The following RUVBL1 variants were observed in gnomAD, a reference collection of about 807,000 sequenced individuals.
The protein encoded by RUVBL1 is ruvB-like 1.
RUVBL1 carries 4 observed loss-of-function variants against 52.4 expected under a neutral mutation model. That is an observed-to-expected ratio of 0.08 (90% CI 0.04 to 0.17). The LOEUF (loss-of-function observed/expected upper bound fraction) is 0.17, where lower values mean the gene tolerates loss of function less well. Ranked by LOEUF, RUVBL1 falls within the 10% of genes least tolerant of loss-of-function variation. RUVBL1 has a pLI of 1.00. For missense variants in RUVBL1, 298 were observed against 572.8 expected (o/e 0.52, Z 4.90); for synonymous variants, 217 against 214.4 (o/e 1.01, Z -0.10).
At chr3:128,114,434 T>A (rs1943469184) in intron 2 of RUVBL1, among the ~76,000 whole-genome samples, 2 of 152,222 alleles carry the variant, frequency 1.3e-5, no homozygotes, top group South Asian at 4.1e-4. Flanking sequence ...GTGCTGGTTC[T>A]GCCACTAATT....
At chr3:128,134,081 C>A (rs1943916429) in intron 1 of RUVBL1, among the ~76,000 whole-genome samples, 1 of 152,064 alleles carries the variant, frequency 6.6e-6, no homozygotes, top group African/African-American at 2.4e-5. Flanking sequence ...TCAAGCAGAA[C>A]TTCTGGAGCT....
At chr3:128,068,569 GTC>G (rs1942055389) in intron 9 of RUVBL1, 1 of 158,184 alleles carries the variant, frequency 6.3e-6, no homozygotes, top group Non-Finnish European at 1.4e-5. Context: ...GGAGCCTGCA[GTC>G]TCTTAGGAAG....
At chr3:128,087,557 G>T (rs1942687472) in intron 9 of RUVBL1, 149 bp downstream of exon 9, 1 of 573,610 alleles carries the variant, frequency 1.7e-6, no homozygotes, top group Non-Finnish European at 3.2e-6. Context: ...TGAGACTCTG[G>T]AGTAATGTGA....
chr3:128,100,770 C>T (rs1465232344), intron 5 of RUVBL1, 26 bp from the exon 6 acceptor site: 4 of 1,613,162 alleles, frequency 2.5e-6, no homozygotes, highest in African/African-American at 1.3e-5. Flanking sequence ...AACATGAGTG[C>T]CTGGTAAGTT....
upstream of RUVBL1, among the ~76,000 whole-genome samples, chr3:128,126,998 C>G (rs150952862): frequency 3.6e-4 from 55 of 152,322 alleles, no homozygotes; most frequent in African/African-American, 1.1e-3. Flanking sequence ...CTGTAATTGG[C>G]TCAGAAATGT....
chr3:128,075,600 ACTTTC>A (rs1942292233), intron 9 of RUVBL1, among the ~76,000 whole-genome samples: 1 of 151,606 alleles, frequency 6.6e-6, no homozygotes, highest in Non-Finnish European at 1.5e-5. Flanking sequence ...GAAGTCGCGC[ACTTTC>A]GTCGCGACTT....
rs377268388 is a variant in RUVBL1, at chr3:128,089,592, T to TA, written c.1017-1785dup. On this transcript the variant is annotated intron_variant, in intron 8 of 10. Transcript: ENST00000322623. The stretch of plus-strand genomic sequence containing the variant: ...GTTTAAATTCTATCCAGTTGAGGTA[T>TA]AAAAATGCATATTTATGACTGCAAA... 8.7e-4 allele frequency among the ~76,000 whole-genome samples: 133 copies of TA among 152,302 alleles called. 1 individual carries two copies. The highest frequency in any genetic ancestry group is 3.0e-3 in the African/African-American group (125 of 41,564).
rs543408048 is a variant in RUVBL1 at position 128,131,533 on chromosome 3, C to A, written c.-39-12119G>T. Reference sequence around the variant, plus strand: ...CTGTAAAACAAACCAACAACAACAACAAAAAAAAACAGATCAAGATCCTGT... The same window carrying A: ...CTGTAAAACAAACCAACAACAACAAAAAAAAAAAACAGATCAAGATCCTGT... On this transcript the variant is annotated intron_variant, in intron 1 of 9. Transcript: ENST00000464873. 7.0e-3 allele frequency among the ~76,000 whole-genome samples: 1,057 copies of A among 150,560 alleles called. 8 individuals are homozygous for A. Among genetic ancestry groups the A allele is most frequent in the African/African-American group, 0.023 (942 of 41,118 alleles).
chr3:128,123,629 G>A lies in RUVBL1; in HGVS notation c.96C>T (p.Ala32=), dbSNP rs1211216895. The A allele has an allele frequency of 2.5e-6, 4 of 1,611,986 alleles. No individual in the cohort carries two copies. The highest frequency in any genetic ancestry group is 2.2e-5 in the East Asian group (1 of 44,872). ...CCACAAGCCCTGAGGCCGCCTGCTT[G>A]GCCAAGCCGCTCTCGTCCAGCCCCA... ...KGLGLDESGL[A]KQAASGLVGQ... Residue 32 remains alanine (A), a synonymous_variant, in exon 1 of 11, where the codon GCC becomes GCT. Transcript: ENST00000322623.
In RUVBL1 at chr3:128,086,586, G is replaced by A. The variant is rs141686293; in HGVS notation, c.1119+1120C>T. ...GAAAGAGCACAGCACATGCTGCCTC[G>A]GAGACACCAATTCAGGGTATGTACC... On this transcript the variant is annotated intron_variant, in intron 9 of 10. Transcript: ENST00000322623. Among the ~76,000 whole-genome samples, 322 of 152,326 alleles carry A rather than the reference G, an allele frequency of 2.1e-3. 3 individuals carry two copies. Among genetic ancestry groups the A allele is most frequent in the African/African-American group, 6.7e-3 (280 of 41,574 alleles).
At chr3:128,110,063 G>A (rs955783850) in intron 3 of RUVBL1, among the ~76,000 whole-genome samples, 11 of 151,614 alleles carry the variant, frequency 7.3e-5, no homozygotes, top group South Asian at 4.2e-4. Flanking sequence ...GTGATCCACC[G>A]GCCTCGGCCT....
chr3:128,125,331 A>G (rs1311432922), upstream of RUVBL1, among the ~76,000 whole-genome samples: 2 of 152,148 alleles, frequency 1.3e-5, no homozygotes, highest in African/African-American at 4.8e-5. Flanking sequence ...ACCTCCTTGT[A>G]CATCTTGATT....
chr3:128,091,863 T>G (rs1372054257), intron 8 of RUVBL1, among the ~76,000 whole-genome samples: 2 of 152,206 alleles, frequency 1.3e-5, no homozygotes, highest in Admixed American at 6.5e-5. Context: ...GGAACAAATT[T>G]GCCCCTGGTT....
chr3:128,124,484 C>CA (rs1943751047), upstream of RUVBL1, among the ~76,000 whole-genome samples: 1 of 152,190 alleles, frequency 6.6e-6, no homozygotes, highest in Non-Finnish European at 1.5e-5. Context: ...CTTCAGGCTT[C>CA]AAAACCTATA....
intron 3 of RUVBL1, among the ~76,000 whole-genome samples, chr3:128,112,539 A>T (rs1943418460): frequency 6.6e-6 from 1 of 152,146 alleles, no homozygotes; most frequent in Non-Finnish European, 1.5e-5. Context: ...GCACACAAAG[A>T]TTCTGGCTTG....
At chr3:128,150,866 A>ATATATATTCTATATATTATATAT (rs1944186322) in intron 1 of RUVBL1, among the ~76,000 whole-genome samples, 1 of 55,838 alleles carries the variant, frequency 1.8e-5, no homozygotes, top group African/African-American at 8.0e-5. Flanking sequence ...ATTATATATT[A>ATATATATTCTATATATTATATAT]TATATATATA....
At chr3:128,084,349 A>C (rs1195812462) in intron 9 of RUVBL1, 1 of 152,282 alleles carries the variant, frequency 6.6e-6, no homozygotes, top group Non-Finnish European at 1.5e-5. Context: ...GGAGGGACTC[A>C]CAACAGAACT....
At chr3:128,110,175 A>G (rs1292545002) in intron 3 of RUVBL1, among the ~76,000 whole-genome samples, 2 of 152,170 alleles carry the variant, frequency 1.3e-5, no homozygotes, top group Non-Finnish European at 1.5e-5. Flanking sequence ...AGTCCTAGCT[A>G]CTTGGGAGGC....
upstream of RUVBL1, among the ~76,000 whole-genome samples, chr3:128,124,129 T>C (rs1439156203): frequency 6.6e-6 from 1 of 152,068 alleles, no homozygotes; most frequent in East Asian, 1.9e-4. Flanking sequence ...CTTACGCAAA[T>C]CTCAAGTTAT....
Sources: allele counts gnomAD v4.1 joint callset (sites outside exome capture counted in the v4.1 genomes callset), GRCh38; gene constraint gnomAD v4.1.1; transcripts MANE v1.5; gene names NCBI Gene and HGNC (gene_info 2026-07-23, HGNC 2026-07-21).